The following MYH16 variants were observed in gnomAD, a reference collection of about 807,000 sequenced individuals.
The protein encoded by MYH16 is putative uncharacterized protein MYH16.
At chr7:99,297,296 G>A (rs1312506125) in intron 34 of MYH16, among the ~76,000 whole-genome samples, 1 of 152,046 alleles carries the variant, frequency 6.6e-6, no homozygotes, top group African/African-American at 2.4e-5. Context: ...AGCAGGGCAT[G>A]GTGGCGGGCG....
Position 99,277,937 on chromosome 7 carries a change from GACAGACAGAC to G in MYH16, n.2659+227_2659+236del, listed in dbSNP as rs746818764. On this transcript the variant is annotated intron_variant and non_coding_transcript_variant, in intron 21 of 41. Coordinates refer to ENST00000439784, the Ensembl canonical transcript of MYH16. Reference sequence around the variant, plus strand: ...TGTGTGAGAGAGAGAGAGAGAGAGAGACAGACAGACAGACAGACAGACAGACAGACAGACA... The same window carrying G: ...TGTGTGAGAGAGAGAGAGAGAGAGAGAGACAGACAGACAGACAGACAGACA... Among the ~76,000 whole-genome samples, 986 of 119,904 alleles carry G rather than the reference GACAGACAGAC, an allele frequency of 8.2e-3. 9 individuals are homozygous for G. The highest frequency in any genetic ancestry group is 0.031 in the African/African-American group (805 of 25,658). The allele number at this position is 119,904 out of a possible 152,430, so 78.7% of individuals were successfully genotyped here. A position where few individuals can be genotyped will look rare whatever the true frequency, so the allele number is the denominator to read the frequency against.
intron 8 of MYH16, among the ~76,000 whole-genome samples, chr7:99,254,978 T>TA (rs1164331574): frequency 6.6e-6 from 1 of 151,786 alleles, no homozygotes; most frequent in East Asian, 1.9e-4. Context: ...CTACAAAAAC[T>TA]AAAAAAATGG....
rs1792067746 is a variant in MYH16 at position 99,273,029 on chromosome 7, T to TTGC, written n.2404-313_2404-312insTGC. 6.6e-6 allele frequency among the ~76,000 whole-genome samples: 1 copy of TTGC among 152,154 alleles called. No homozygotes were observed. Among genetic ancestry groups the TTGC allele is most frequent in the Non-Finnish European group, 1.5e-5 (1 of 68,016 alleles). On this transcript the variant is annotated intron_variant and non_coding_transcript_variant, in intron 19 of 41. It removes the in-frame stop codon of an upstream open reading frame in the 5' UTR. Coordinates refer to ENST00000439784, the Ensembl canonical transcript of MYH16. ...TTGCAGATCCATGGGATTTGGAGAC[T>TTGC]AATGGGTGATTTCTGGTGGAGGAGG...
intron 2 of MYH16, among the ~76,000 whole-genome samples, chr7:99,246,750 AG>A (rs1470412814): frequency 6.6e-6 from 1 of 151,434 alleles, no homozygotes; most frequent in African/African-American, 2.4e-5. Context: ...AAAAGAAACT[AG>A]CCCAGCATTT....
exon 35 of MYH16, chr7:99,297,749 A>G (rs949564449): frequency 8.8e-6 from 4 of 456,506 alleles, no homozygotes; most frequent in African/African-American, 8.0e-5. Context: ...GGAGATGGAA[A>G]AGGAAGAACT....
At chr7:99,279,823 T>C in intron 22 of MYH16, 86 bp downstream of exon 4, 4 of 382,216 alleles carry the variant, frequency 1.0e-5, no homozygotes, top group Non-Finnish European at 2.0e-5. Flanking sequence ...CTACACCCAG[T>C]GCCCTGACCA....
intron 38 of MYH16, among the ~76,000 whole-genome samples, chr7:99,302,082 T>C (rs1409220916): frequency 6.6e-6 from 1 of 151,740 alleles, no homozygotes; most frequent in Non-Finnish European, 1.5e-5. Context: ...GGTGGGCAGA[T>C]CACCTGAGGT....
chr7:99,254,092 C>G (rs1335766761), intron 8 of MYH16: 1 of 151,978 alleles, frequency 6.6e-6, no homozygotes. Flanking sequence ...CTCCAAAATA[C>G]AAAAAAATTA....
chr7:99,268,555 C>A (rs1792015123), intron 18 of MYH16, among the ~76,000 whole-genome samples: 1 of 152,230 alleles, frequency 6.6e-6, no homozygotes, highest in Non-Finnish European at 1.5e-5. Flanking sequence ...GCATTAGGCA[C>A]GTCAGTTCCA....
intron 1 of MYH16, among the ~76,000 whole-genome samples, chr7:99,241,640 G>A (rs761312724): frequency 1.6e-4 from 24 of 152,194 alleles, no homozygotes; most frequent in Non-Finnish European, 3.1e-4. Context: ...TACTAAGGGC[G>A]TGGTAACCAT....
chr7:99,240,988 AG>A (rs1791660962), intron 1 of MYH16, among the ~76,000 whole-genome samples: 2 of 152,218 alleles, frequency 1.3e-5, no homozygotes, highest in African/African-American at 4.8e-5. Flanking sequence ...AATTCCCAGG[AG>A]AAACAGTTTT....
chr7:99,300,113 C>A (rs1044661759), intron 37 of MYH16, among the ~76,000 whole-genome samples: 2 of 151,840 alleles, frequency 1.3e-5, no homozygotes, highest in Non-Finnish European at 2.9e-5. Flanking sequence ...GCACCCACCA[C>A]CACGCCCAGC....
intron 24 of MYH16, 89 bp downstream of exon 6, chr7:99,283,740 A>G: frequency 4.5e-6 from 2 of 448,560 alleles, no homozygotes; most frequent in Non-Finnish European, 9.0e-6. Flanking sequence ...TGAGAACTGG[A>G]CCAACACATC....
At chr7:99,250,859 A>C (rs1791801742) in intron 5 of MYH16, among the ~76,000 whole-genome samples, 1 of 152,202 alleles carries the variant, frequency 6.6e-6, no homozygotes, top group Admixed American at 6.5e-5. Context: ...CCGTGTCCCC[A>C]GGTGCCCCTC....
chr7:99,303,561 G>A (rs894156289), intron 39 of MYH16, among the ~76,000 whole-genome samples: 3 of 152,252 alleles, frequency 2.0e-5, no homozygotes, highest in Non-Finnish European at 4.4e-5. Flanking sequence ...AGCACTTTGG[G>A]AGGCCAAGGC....
rs1259696087 is a variant in MYH16 at position 99,297,424 on chromosome 7, C to G, written n.4500-236C>G. On this transcript the variant is annotated intron_variant and non_coding_transcript_variant, in intron 34 of 41. Transcript: ENST00000439784. ...CTCCAGCCTGGGCAACAGAGCAACA[C>G]TATGTCCCAAAAATAAATTAATTAA... Among the ~76,000 whole-genome samples, 3 of 152,056 alleles carry G rather than the reference C, an allele frequency of 2.0e-5. No homozygotes were observed. The South Asian group carries it at 6.2e-4, about 32-fold the overall frequency.
At chr7:99,278,459 G>A (rs763850571) in intron 21 of MYH16, among the ~76,000 whole-genome samples, 5 of 152,126 alleles carry the variant, frequency 3.3e-5, no homozygotes, top group Non-Finnish European at 5.9e-5. Flanking sequence ...AAGAATAAAC[G>A]ATGTCATTTC....
chr7:99,249,538 CAA>C (rs1222006408), intron 4 of MYH16, among the ~76,000 whole-genome samples: 20 of 50,248 alleles, frequency 4.0e-4, no homozygotes, highest in Admixed American at 5.0e-4. Context: ...GACCCTCTCT[CAA>C]AAAAAAAAAA....
chr7:99,258,334 A>C (rs1791897187), exon 11 of MYH16: 1 of 155,364 alleles, frequency 6.4e-6, no homozygotes, highest in African/African-American at 2.4e-5. Flanking sequence ...GGACACCAAG[A>C]TGCAGAGGCA....
Sources: allele counts gnomAD v4.1 joint callset (sites outside exome capture counted in the v4.1 genomes callset), GRCh38; gene constraint gnomAD v4.1.1; transcripts MANE v1.5; gene names NCBI Gene and HGNC (gene_info 2026-07-23, HGNC 2026-07-21).